NCKAP1: variants seen among roughly 807,000 people sequenced by gnomAD.
NCKAP1 encodes the protein nck-associated protein 1.
NCKAP1 carries 21 observed loss-of-function variants against 151.2 expected under a neutral mutation model. The ratio of observed to expected loss-of-function variants is 0.14; its 90% CI spans 0.10 to 0.20. The LOEUF is 0.20. NCKAP1 is among the 10% of genes least tolerant of loss of function. NCKAP1 has a pLI of 1.00. For missense variants in NCKAP1, 933 were observed against 1,352.1 expected (o/e 0.69, Z 4.86); for synonymous variants, 484 against 451.8 (o/e 1.07, Z -0.90).
At chr2:182,968,387 TG>T (rs1697619684) in intron 15 of NCKAP1, among the ~76,000 whole-genome samples, 1 of 152,200 alleles carries the variant, frequency 6.6e-6, no homozygotes, top group Admixed American at 6.5e-5. Flanking sequence ...GTCAGGATTT[TG>T]GCTGTTGGGA....
chr2:182,962,133 T>A, intron 18 of NCKAP1, 26 bp downstream of exon 18: 4 of 1,542,806 alleles, frequency 2.6e-6, no homozygotes, highest in Non-Finnish European at 3.5e-6. Context: ...AAATTTCCTA[T>A]CTGTTGGAAA....
At chr2:182,951,940 G>A (rs764957304) in intron 23 of NCKAP1, among the ~76,000 whole-genome samples, 3 of 152,016 alleles carry the variant, frequency 2.0e-5, no homozygotes, top group Non-Finnish European at 4.4e-5. Context: ...CATTCTGAAG[G>A]CATTTTTCAT....
chr2:182,941,674 T>C (rs536333985), intron 24 of NCKAP1, among the ~76,000 whole-genome samples: 16 of 152,188 alleles, frequency 1.1e-4, no homozygotes, highest in Non-Finnish European at 2.4e-4. Context: ...CAAAATACCG[T>C]TTGCTTAAAT....
chr2:182,997,077 T>C (rs888197816), intron 6 of NCKAP1, among the ~76,000 whole-genome samples: 1 of 152,228 alleles, frequency 6.6e-6, no homozygotes, highest in Non-Finnish European at 1.5e-5. Flanking sequence ...TGTATTTCTG[T>C]GGGATTGGTT....
chr2:182,977,615 C>T (rs1406466055), intron 14 of NCKAP1, among the ~76,000 whole-genome samples: 1 of 152,120 alleles, frequency 6.6e-6, no homozygotes, highest in Non-Finnish European at 1.5e-5. Flanking sequence ...CACAGCAAGA[C>T]AAATACTCTG....
chr2:182,913,818 T>G lies in NCKAP1; in HGVS notation c.*11884A>C, dbSNP rs1357773274. ...TGCTTCTCTGTCTGCATCTGCCTCA[T>G]TCTTTTTTCCTGATCAGCACTCTGA... is the stretch of plus-strand genomic sequence containing the variant. On this transcript the variant is annotated 3_prime_UTR_variant, in exon 31 of 31. Transcript: ENST00000361354. 6.6e-6 allele frequency: 1 copy of G among 152,378 alleles called. No homozygotes were observed. The highest frequency in any genetic ancestry group is 6.5e-5 in the Admixed American group (1 of 15,286). The allele number at this position is 152,378 out of a possible 1,614,324, so 9.4% of individuals were successfully genotyped here.
rs1300088988 is a variant in NCKAP1, at chr2:182,923,249, AAATCTATCC to A, written c.*2444_*2452del. 1 of 152,178 alleles carries A rather than the reference AAATCTATCC, an allele frequency of 6.6e-6. No homozygotes were observed. The highest frequency in any genetic ancestry group is 2.4e-5 in the African/African-American group (1 of 41,438). The allele number at this position is 152,178 out of a possible 1,614,324, so 9.4% of individuals were successfully genotyped here. On this transcript the variant is annotated 3_prime_UTR_variant, in exon 31 of 31. Coordinates refer to ENST00000361354, the MANE Select transcript of NCKAP1 (RefSeq NM_013436.5). ...ATAATAATGAAAAGAAATTGTCTAA[AAATCTATCC>A]AATCTATCCAAATGAGTATTTTCTT...
At chr2:182,928,340 T>C (rs1370833319) in intron 28 of NCKAP1, 114 bp from the exon 29 acceptor site, 2 of 694,230 alleles carry the variant, frequency 2.9e-6, no homozygotes, top group South Asian at 2.1e-5. Context: ...AAGAGTAGAG[T>C]TGGGACATGA....
At chr2:182,988,251 T>C (rs1698096785) in intron 9 of NCKAP1, among the ~76,000 whole-genome samples, 1 of 152,222 alleles carries the variant, frequency 6.6e-6, no homozygotes, top group Non-Finnish European at 1.5e-5. Flanking sequence ...CATTAAAATA[T>C]CTAGAAGTTT....
intron 2 of NCKAP1, among the ~76,000 whole-genome samples, chr2:183,021,972 T>C (rs567853761): frequency 6.6e-6 from 1 of 152,278 alleles, no homozygotes; most frequent in South Asian, 2.1e-4. Context: ...AAAACTATTA[T>C]TAAAAATATC....
At chr2:182,970,853 T>C (rs569529471) in intron 15 of NCKAP1, among the ~76,000 whole-genome samples, 54 of 67,630 alleles carry the variant, frequency 8.0e-4, no homozygotes, top group African/African-American at 2.8e-3. Context: ...TATGATATTA[T>C]ATTTACAAAA....
intron 8 of NCKAP1, among the ~76,000 whole-genome samples, chr2:182,992,737 C>T (rs975996032): frequency 1.3e-5 from 2 of 151,896 alleles, no homozygotes; most frequent in African/African-American, 2.4e-5. Flanking sequence ...TTAAATTTCC[C>T]CTCTTTCATA....
At chr2:182,999,855 A>T (rs1176569867) in intron 6 of NCKAP1, among the ~76,000 whole-genome samples, 1 of 152,194 alleles carries the variant, frequency 6.6e-6, no homozygotes, top group Non-Finnish European at 1.5e-5. Context: ...TTCTGCAGCA[A>T]CATGGATGGA....
intron 2 of NCKAP1, among the ~76,000 whole-genome samples, chr2:183,016,491 A>G (rs1454789859): frequency 6.6e-6 from 1 of 152,252 alleles, no homozygotes; most frequent in Non-Finnish European, 1.5e-5. Flanking sequence ...TCATTGTATC[A>G]AAATTCCTTA....
At chr2:182,993,629 A>C (rs1418670015) in intron 8 of NCKAP1, among the ~76,000 whole-genome samples, 1 of 152,188 alleles carries the variant, frequency 6.6e-6, no homozygotes, top group Non-Finnish European at 1.5e-5. Flanking sequence ...CAGGAACAGA[A>C]AACCAAATAC....
intron 18 of NCKAP1, among the ~76,000 whole-genome samples, chr2:182,961,036 C>T (rs1421261429): frequency 1.3e-5 from 2 of 152,264 alleles, no homozygotes; most frequent in African/African-American, 2.4e-5. Flanking sequence ...AATGAGATAC[C>T]ATCTTACACC....
At chr2:183,010,444 G>A (rs1698570984) in intron 2 of NCKAP1, among the ~76,000 whole-genome samples, 1 of 152,196 alleles carries the variant, frequency 6.6e-6, no homozygotes, top group Non-Finnish European at 1.5e-5. Context: ...TAAAACCAGT[G>A]AGACCAGCAG....
intron 17 of NCKAP1, among the ~76,000 whole-genome samples, chr2:182,962,823 G>GAAA (rs75963920): frequency 8.4e-6 from 1 of 119,622 alleles, no homozygotes; most frequent in Non-Finnish European, 1.8e-5. Flanking sequence ...CTCCCAGGAA[G>GAAA]AAAAAAAAAA....
chr2:182,958,445 T>C (rs1275869203), intron 18 of NCKAP1, among the ~76,000 whole-genome samples: 3 of 152,202 alleles, frequency 2.0e-5, no homozygotes, highest in South Asian at 2.1e-4. Flanking sequence ...TGCCTGGCCA[T>C]GAAGAGGTAA....
Sources: gnomAD v4.1 joint callset for allele counts (sites outside exome capture counted in the v4.1 genomes callset) on GRCh38, gnomAD v4.1.1 for gene constraint, MANE v1.5 for transcripts, NCBI Gene and HGNC (gene_info 2026-07-23, HGNC 2026-07-21) for gene names.